The following KALRN variants were observed in gnomAD, a reference collection of about 807,000 sequenced individuals.
KALRN encodes the protein kalirin RhoGEF kinase, also known as kalirin.
A neutral mutation model predicts 353.7 loss-of-function variants in KALRN; 70 were observed. That is an observed-to-expected ratio of 0.20 (90% confidence interval 0.16 to 0.24). KALRN has a LOEUF of 0.24. Ranked by LOEUF, KALRN falls within the 10% of genes least tolerant of loss-of-function variation. KALRN has a pLI of 1.00. For missense variants in KALRN, 2,791 were observed against 3,756.7 expected, an observed-to-expected ratio of 0.74 and a Z score of 6.72; for synonymous variants, 1,391 against 1,434.8, an observed-to-expected ratio of 0.97 and a Z score of 0.69.
rs1579117338 is a variant in KALRN at position 124,725,980 on chromosome 3, G to A, written c.*6510G>A. ...ACAATTGATTTAAAATCACTCCACA[G>A]TATTGATAAATAGCTCTATATTTTC... On this transcript the variant is annotated 3_prime_UTR_variant, in exon 60 of 60. Transcript: ENST00000682506. The A allele has an allele frequency of 2.0e-5, 3 of 152,172 alleles. No homozygotes were observed. Among genetic ancestry groups the A allele is most frequent in the African/African-American group, 7.2e-5 (3 of 41,426 alleles). The allele number at this position is 152,172 out of a possible 1,614,324, so 9.4% of individuals were successfully genotyped here. A position where few individuals can be genotyped will look rare whatever the true frequency, so the allele number is the denominator to read the frequency against.
chr3:124,524,930 A>G (rs2067461073), intron 33 of KALRN, among the ~76,000 whole-genome samples: 1 of 152,158 alleles, frequency 6.6e-6, no homozygotes, highest in Admixed American at 6.5e-5. Flanking sequence ...CACCTTTCAC[A>G]CTCTCAGCAG....
chr3:124,697,628 G>A lies in KALRN; in HGVS notation c.7735G>A (p.Glu2579Lys), dbSNP rs1373364720. 5 of 1,612,786 alleles carry A rather than the reference G, an allele frequency of 3.1e-6. No individual in the cohort carries two copies. The highest frequency in any genetic ancestry group is 4.2e-6 in the Non-Finnish European group (5 of 1,179,576). Residue 2579 changes from glutamate to lysine, a missense_variant, in exon 55 of 60, where the codon GAG becomes AAG. Around this residue, in one of 11 missense-constraint regions of KALRN, gnomAD observed 1,065 missense variants for 1,156.4 expected, o/e 0.92. Coordinates refer to ENST00000682506, the MANE Select transcript of KALRN (RefSeq NM_001388419.1). ...AGCCCCTAACCGCCCCATTGCCCAG[G>A]AGAGAAGCTGCACCTCCGTGATTCT... Reference protein sequence around the residue: ...PAAPNRPIAQERSCTSVILRW... With the variant: ...PAAPNRPIAQKRSCTSVILRW...
intron 1 of KALRN, among the ~76,000 whole-genome samples, chr3:124,102,466 C>G (rs1234011674): frequency 5.9e-5 from 9 of 152,190 alleles, no homozygotes; most frequent in African/African-American, 2.2e-4. Flanking sequence ...CGTTCAGAGA[C>G]TCGTGGTCAC....
chr3:124,255,874 G>A (rs1445657785), intron 3 of KALRN, among the ~76,000 whole-genome samples: 1 of 152,186 alleles, frequency 6.6e-6, no homozygotes, highest in African/African-American at 2.4e-5. Context: ...AGGCATAGAG[G>A]CATGAGAGGG....
At chr3:124,204,769 C>T (rs1032126952) in intron 1 of KALRN, among the ~76,000 whole-genome samples, 3 of 152,236 alleles carry the variant, frequency 2.0e-5, no homozygotes, top group African/African-American at 4.8e-5. Flanking sequence ...CCTCCCCCAT[C>T]TCTTAGTTTA....
chr3:124,715,888 AT>A (rs2063113543), intron 58 of KALRN, among the ~76,000 whole-genome samples: 7 of 152,204 alleles, frequency 4.6e-5, no homozygotes, highest in Non-Finnish European at 8.8e-5. Flanking sequence ...TATGCTACCA[AT>A]TATGCTTAAA....
intron 16 of KALRN, among the ~76,000 whole-genome samples, chr3:124,431,383 A>G (rs1471807971): frequency 6.6e-6 from 1 of 152,234 alleles, no homozygotes; most frequent in Non-Finnish European, 1.5e-5. Flanking sequence ...GGGGCTTTTT[A>G]GAAGGCTATT....
rs201201527 is a variant in KALRN, at chr3:124,555,460, A to AATAT, written c.4936-7380_4936-7379insTATA. On this transcript the variant is annotated intron_variant, in intron 33 of 59. Coordinates refer to ENST00000682506, the MANE Select transcript of KALRN (RefSeq NM_001388419.1). ...AAATAAATAAATAAATAAATAAATA[A>AATAT]ATAAAGTTATCTTGTTTACTACCTC... Among the ~76,000 whole-genome samples the AATAT allele has an allele frequency of 9.6e-3, 1,387 of 144,738 alleles. 25 individuals carry two copies. The highest frequency in any genetic ancestry group is 0.036 in the African/African-American group (1,313 of 36,290). 95.0% of individuals were successfully genotyped at this position (144,738 alleles called of 152,430 possible).
intron 3 of KALRN, among the ~76,000 whole-genome samples, chr3:124,261,635 C>T (rs184265739): frequency 1.6e-4 from 25 of 152,294 alleles, no homozygotes; most frequent in Non-Finnish European, 7.3e-5. Context: ...CTACTGACCA[C>T]CAGCTTTGGA....
intron 10 of KALRN, among the ~76,000 whole-genome samples, chr3:124,361,909 CTCTT>C (rs1275748233): frequency 6.6e-6 from 1 of 151,642 alleles, no homozygotes; most frequent in African/African-American, 2.4e-5. Context: ...CATTTGTAGC[CTCTT>C]TCTTCCTCCT....
At chr3:124,461,811 C>G in intron 23 of KALRN, 79 bp from the exon 24 acceptor site, 1 of 978,188 alleles carries the variant, frequency 1.0e-6, no homozygotes, top group Non-Finnish European at 1.6e-6. Context: ...GTCATACATG[C>G]TGGGGTGGGG....
intron 51 of KALRN, among the ~76,000 whole-genome samples, chr3:124,684,638 T>C (rs775410013): frequency 3.3e-5 from 5 of 152,328 alleles, no homozygotes; most frequent in African/African-American, 9.6e-5. Flanking sequence ...TTGAGCACCA[T>C]GCACGTCTAA....
chr3:124,475,976 GTT>G, intron 26 of KALRN, among the ~76,000 whole-genome samples: 1 of 145,680 alleles, frequency 6.9e-6, no homozygotes, highest in African/African-American at 2.5e-5. Context: ...TAAGTAAAGG[GTT>G]TTTTTTTTGC....
intron 14 of KALRN, among the ~76,000 whole-genome samples, chr3:124,418,785 ATC>A (rs913768932): frequency 5.9e-5 from 9 of 152,182 alleles, no homozygotes; most frequent in Non-Finnish European, 8.8e-5. Context: ...CAGAAGGAAT[ATC>A]TCTGTTTCCT....
At chr3:124,523,366 G>A (rs910913754) in intron 33 of KALRN, among the ~76,000 whole-genome samples, 8 of 152,128 alleles carry the variant, frequency 5.3e-5, no homozygotes, top group African/African-American at 1.4e-4. Context: ...ACTATGTCAC[G>A]TCCTAGGCCC....
intron 34 of KALRN, among the ~76,000 whole-genome samples, chr3:124,597,092 A>T (rs2076344217): frequency 6.6e-6 from 1 of 152,126 alleles, no homozygotes; most frequent in Non-Finnish European, 1.5e-5. Flanking sequence ...AAACAACAAA[A>T]ATAAGTACAT....
intron 3 of KALRN, among the ~76,000 whole-genome samples, chr3:124,245,690 T>G (rs1014836420): frequency 6.0e-5 from 9 of 150,814 alleles, no homozygotes; most frequent in African/African-American, 1.2e-4. Flanking sequence ...TTGTTTTTTG[T>G]TTTTTTTTAG....
chr3:124,208,965 CAATAAT>C (rs757968593), intron 1 of KALRN, among the ~76,000 whole-genome samples: 39 of 150,974 alleles, frequency 2.6e-4, no homozygotes, highest in Non-Finnish European at 4.9e-4. Context: ...GACTCTGTCT[CAATAAT>C]AATAATAATA....
Position 124,488,276 on chromosome 3 carries a change from A to G in KALRN, c.4357A>G (p.Lys1453Glu). The G allele has an allele frequency of 6.2e-7, 1 of 1,613,954 alleles. No individual in the cohort carries two copies. Among genetic ancestry groups the G allele is most frequent in the Non-Finnish European group, 8.5e-7 (1 of 1,179,840 alleles). Reference sequence around the variant, plus strand: ...CCTGGAGGTGATGCTCAGTGTCCCAAAGAAAGCCAATGATGCCATGCATGT... The same window carrying G: ...CCTGGAGGTGATGCTCAGTGTCCCAGAGAAAGCCAATGATGCCATGCATGT... Reference protein sequence around the residue: ...DGLEVMLSVPKKANDAMHVSM... With the variant: ...DGLEVMLSVPEKANDAMHVSM... The change falls in exon 29 of 60, where the codon AAG becomes GAG. Residue 1453 changes from lysine (K) to glutamate (E), a missense_variant. Lys to Glu is a moderately conservative substitution (Grantham distance 56). Around this residue, in one of 11 missense-constraint regions of KALRN, gnomAD observed 54 missense variants for 131.7 expected, o/e 0.41. Transcript: ENST00000682506.
Sources: gnomAD v4.1 joint callset for allele counts (sites outside exome capture counted in the v4.1 genomes callset) on GRCh38, gnomAD v4.1.1 for gene constraint, gnomAD v4.1.1 regional missense constraint, MANE v1.5 for transcripts, NCBI Gene and HGNC (gene_info 2026-07-23, HGNC 2026-07-21) for gene names.